The following GRM3 variants were observed in gnomAD, a reference collection of about 807,000 sequenced individuals.
The protein encoded by GRM3 is metabotropic glutamate receptor 3.
Under a neutral mutation model 70.5 loss-of-function variants are expected in GRM3, and 26 were observed. The ratio of observed to expected loss-of-function variants is 0.37; its 90% CI spans 0.27 to 0.51. GRM3 has a LOEUF of 0.51. Among genes scored for constraint, GRM3 ranks in the 20% least tolerant of loss-of-function variants. The pLI is 0.93. For synonymous variants in GRM3, 443 were observed against 434.9 expected (o/e 1.02, Z -0.23); for missense variants, 859 against 1,123.8 (o/e 0.76, Z 3.37).
At chr7:86,861,428 A>G (rs1041548883) in intron 5 of GRM3, among the ~76,000 whole-genome samples, 2 of 152,242 alleles carry the variant, frequency 1.3e-5, no homozygotes, top group Non-Finnish European at 2.9e-5. Flanking sequence ...TACACCAAAA[A>G]TAATAATAAG....
intron 3 of GRM3, among the ~76,000 whole-genome samples, chr7:86,793,181 A>G (rs889461286): frequency 5.3e-5 from 8 of 151,500 alleles, no homozygotes; most frequent in African/African-American, 1.9e-4. Context: ...TTGCCACCCT[A>G]CTCACCTCTG....
intron 1 of GRM3, among the ~76,000 whole-genome samples, chr7:86,694,251 C>T (rs144367647): frequency 0.013 from 2,035 of 152,096 alleles, 39 homozygotes; most frequent in African/African-American, 0.047. Flanking sequence ...AAAGGCCGGG[C>T]GTGGTGGCTC....
chr7:86,720,451 G>C (rs951438105), intron 1 of GRM3, among the ~76,000 whole-genome samples: 2 of 152,046 alleles, frequency 1.3e-5, no homozygotes, highest in Non-Finnish European at 2.9e-5. Flanking sequence ...GATAAGTAAA[G>C]TCATGGGAGT....
rs1195999321 is a variant in GRM3, at chr7:86,800,289, C to T, written c.1324+13173C>T. Among the ~76,000 whole-genome samples the T allele has an allele frequency of 5.9e-5, 9 of 151,996 alleles. No homozygotes were observed. The East Asian group carries it at 9.6e-4, about 16-fold the overall frequency. On this transcript the variant is annotated intron_variant, in intron 3 of 5. Coordinates refer to ENST00000361669, the MANE Select transcript of GRM3 (RefSeq NM_000840.3). ...TCAGAAGACAAGAAATAACCAAGAT[C>T]GGAGAGGAACTGAAGGAGATAGAGA... is the stretch of plus-strand genomic sequence containing the variant.
At chr7:86,681,757 ATGATTT>A (rs1794446503) in intron 1 of GRM3, among the ~76,000 whole-genome samples, 1 of 152,174 alleles carries the variant, frequency 6.6e-6, no homozygotes, top group African/African-American at 2.4e-5. Context: ...TTTCATCTTC[ATGATTT>A]CAACAAGCAC....
At chr7:86,678,476 T>C (rs1372404919) in intron 1 of GRM3, among the ~76,000 whole-genome samples, 1 of 152,066 alleles carries the variant, frequency 6.6e-6, no homozygotes, top group Non-Finnish European at 1.5e-5. Context: ...ACATTGGAAG[T>C]AGAACACATG....
intron 4 of GRM3, among the ~76,000 whole-genome samples, chr7:86,843,344 C>T (rs1384580218): frequency 6.6e-6 from 1 of 152,010 alleles, no homozygotes; most frequent in Admixed American, 6.6e-5. Context: ...CATACTGTAC[C>T]ACAGACGCAT....
In GRM3 at chr7:86,850,255, AC is replaced by A. The variant is rs1184231555; in HGVS notation, c.2392-114del. The A allele has an allele frequency of 1.3e-5, 9 of 675,954 alleles. No individual in the cohort carries two copies. In the South Asian group the frequency reaches 1.6e-4, roughly 12 times the overall value. 41.9% of individuals were successfully genotyped at this position (675,954 alleles called of 1,614,324 possible). On this transcript the variant is annotated intron_variant, in intron 4 of 5. Coordinates refer to ENST00000361669, the MANE Select transcript of GRM3 (RefSeq NM_000840.3). Reference sequence around the variant, plus strand: ...CTGTATTGATTTGGCTACAATAAGGACAGAGCTGTCAATTATTCTGGATTTT... The same window carrying A: ...CTGTATTGATTTGGCTACAATAAGGAAGAGCTGTCAATTATTCTGGATTTT...
intron 1 of GRM3, among the ~76,000 whole-genome samples, chr7:86,680,459 C>T (rs532743106): frequency 1.8e-4 from 28 of 152,192 alleles, no homozygotes; most frequent in Non-Finnish European, 3.5e-4. Context: ...AACACTACTA[C>T]CTCTATCTTC....
chr7:86,754,930 C>G (rs1268599994), intron 1 of GRM3, among the ~76,000 whole-genome samples: 2 of 152,144 alleles, frequency 1.3e-5, no homozygotes, highest in African/African-American at 4.8e-5. Context: ...AGCTCCCATA[C>G]TTACAAGAGC....
At chr7:86,729,100 C>T (rs1252397919) in intron 1 of GRM3, among the ~76,000 whole-genome samples, 1 of 152,118 alleles carries the variant, frequency 6.6e-6, no homozygotes, top group Non-Finnish European at 1.5e-5. Flanking sequence ...GATTAGCTTC[C>T]TTTTGTGAGA....
Position 86,656,547 on chromosome 7 carries a change from C to A in GRM3, c.-141+11675C>A, listed in dbSNP as rs184329798. 2.6e-5 allele frequency among the ~76,000 whole-genome samples: 4 copies of A among 151,938 alleles called. No homozygotes were observed. In the East Asian group the frequency reaches 7.8e-4, roughly 29 times the overall value. ...GCCTCCCAAAGTGCTGGGATAACAG[C>A]TACCTTGACTGGGCTTTGTGATGCT... On this transcript the variant is annotated intron_variant, in intron 1 of 5. Coordinates refer to ENST00000361669, the MANE Select transcript of GRM3 (RefSeq NM_000840.3).
intron 1 of GRM3, among the ~76,000 whole-genome samples, chr7:86,754,738 T>G (rs764536450): frequency 2.0e-5 from 3 of 152,146 alleles, no homozygotes; most frequent in Admixed American, 6.5e-5. Context: ...GCAAGTTATA[T>G]AAAACCAATT....
chr7:86,799,840 T>C (rs1412848342), intron 3 of GRM3, among the ~76,000 whole-genome samples: 1 of 152,206 alleles, frequency 6.6e-6, no homozygotes, highest in Non-Finnish European at 1.5e-5. Flanking sequence ...ATACCTAGTT[T>C]GTTGAGAGTT....
At chr7:86,813,697 G>A (rs1797959190) in intron 3 of GRM3, among the ~76,000 whole-genome samples, 1 of 151,708 alleles carries the variant, frequency 6.6e-6, no homozygotes, top group African/African-American at 2.4e-5. Flanking sequence ...CCAGATGTTA[G>A]CTAAGAGGTG....
intron 1 of GRM3, among the ~76,000 whole-genome samples, chr7:86,736,915 T>C (rs556359533): frequency 2.0e-5 from 3 of 152,102 alleles, no homozygotes; most frequent in Non-Finnish European, 4.4e-5. Context: ...CCTTAAAATT[T>C]AACCCATATC....
intron 3 of GRM3, among the ~76,000 whole-genome samples, chr7:86,788,357 A>C (rs1403787561): frequency 1.3e-5 from 2 of 152,214 alleles, no homozygotes; most frequent in African/African-American, 4.8e-5. Flanking sequence ...CAGCCTTGAA[A>C]ATAAGCACAA....
At chr7:86,706,250 A>C (rs1009424013) in intron 1 of GRM3, among the ~76,000 whole-genome samples, 2 of 152,028 alleles carry the variant, frequency 1.3e-5, no homozygotes, top group Admixed American at 1.3e-4. Context: ...TTAGAGTTTA[A>C]AGTAGGGTGA....
chr7:86,811,856 T>C (rs1797914564), intron 3 of GRM3, among the ~76,000 whole-genome samples: 1 of 149,638 alleles, frequency 6.7e-6, no homozygotes, highest in African/African-American at 2.4e-5. Context: ...TTCCTCAACC[T>C]ATTGTACTCA....
Sources: gnomAD v4.1 joint callset for allele counts (sites outside exome capture counted in the v4.1 genomes callset) on GRCh38, gnomAD v4.1.1 for gene constraint, MANE v1.5 for transcripts, NCBI Gene and HGNC (gene_info 2026-07-23, HGNC 2026-07-21) for gene names.